The following TRIM14 variants were observed in gnomAD, a reference collection of about 807,000 sequenced individuals.
The protein encoded by TRIM14 is tripartite motif containing 14.
TRIM14 carries 28 observed loss-of-function variants against 44.5 expected under a neutral mutation model. That is an observed-to-expected ratio of 0.63 (90% CI 0.47 to 0.86). The LOEUF (loss-of-function observed/expected upper bound fraction) is 0.86, where lower values mean the gene tolerates loss of function less well. Among genes scored for constraint, TRIM14 ranks in the 40% least tolerant of loss-of-function variants. TRIM14 has a pLI of 0.00. For missense variants in TRIM14, 607 were observed against 611.1 expected (o/e 0.99, Z 0.07); for synonymous variants, 299 against 269.2 (o/e 1.11, Z -1.08).
chr9:98,079,335 A>G (rs1829743445), intron 6 of TRIM14, among the ~76,000 whole-genome samples: 1 of 152,108 alleles, frequency 6.6e-6, no homozygotes, highest in Non-Finnish European at 1.5e-5. Flanking sequence ...CATTAATGGA[A>G]TTCTATCTAT....
the TRIM14 span, among the ~76,000 whole-genome samples, chr9:98,059,199 A>G: frequency 2.0e-5 from 3 of 151,296 alleles, no homozygotes; most frequent in Admixed American, 6.6e-5. Context: ...AATTTTTTGT[A>G]TTTTTAGTAG....
chr9:98,091,158 T>C (rs1254732283), intron 5 of TRIM14, among the ~76,000 whole-genome samples: 1 of 152,198 alleles, frequency 6.6e-6, no homozygotes, highest in Non-Finnish European at 1.5e-5. Context: ...TTAATTCAAT[T>C]CAACAAATGT....
At chr9:98,046,999 T>G in the TRIM14 span, among the ~76,000 whole-genome samples, 2 of 152,260 alleles carry the variant, frequency 1.3e-5, no homozygotes, top group African/African-American at 4.8e-5. Flanking sequence ...ACTTGAACTT[T>G]TGATTCAGTA....
chr9:98,111,195 G>A (rs1038534687), intron 1 of TRIM14, among the ~76,000 whole-genome samples: 3 of 152,108 alleles, frequency 2.0e-5, no homozygotes, highest in Non-Finnish European at 4.4e-5. Flanking sequence ...GTGAATGATG[G>A]ATGGATGAAT....
Position 98,087,844 on chromosome 9 carries a change from T to C in TRIM14, c.955A>G (p.Thr319Ala), listed in dbSNP as rs75264230. The stretch of plus-strand genomic sequence containing the variant: ...TCAACCTCCCAGTAGTGGCGGCCGG[T>C]GGCGAAGCAGTCACGAGCCAGCACT... ...WQVLARDCFATGRHYWEVDVQ... is the reference protein window; with the variant it reads ...WQVLARDCFAAGRHYWEVDVQ... Residue 319 changes from threonine to alanine, a missense_variant, in exon 6 of 6, where the codon ACC (threonine) becomes GCC (alanine). Thr to Ala is a moderately conservative substitution (Grantham distance 58). Around this residue, in one of 3 missense-constraint regions of TRIM14, gnomAD observed 356 missense variants for 323.0 expected, o/e 1.10. Coordinates refer to ENST00000341469, the MANE Select transcript of TRIM14 (RefSeq NM_014788.4). The C allele has an allele frequency of 1.0e-4, 158 of 1,545,690 alleles. 1 individual carries two copies. The East Asian group carries it at 3.8e-3, about 37-fold the overall frequency.
intron 6 of TRIM14, among the ~76,000 whole-genome samples, chr9:98,070,486 T>C (rs537148758): frequency 1.3e-5 from 2 of 152,242 alleles, no homozygotes; most frequent in South Asian, 4.1e-4. Context: ...AATGGCGTGA[T>C]CTTGGCTCAC....
downstream of TRIM14, among the ~76,000 whole-genome samples, chr9:98,067,832 C>T (rs1829193540): frequency 7.5e-6 from 1 of 133,638 alleles, no homozygotes; most frequent in African/African-American, 3.4e-5. Context: ...AGCAATCCTC[C>T]CACCTCAGCC....
chr9:98,078,529 G>C (rs1318995816), intron 6 of TRIM14, among the ~76,000 whole-genome samples: 2 of 152,060 alleles, frequency 1.3e-5, no homozygotes, highest in East Asian at 3.9e-4. Flanking sequence ...ATTCTAAAGA[G>C]GGTGACTGTA....
chr9:98,088,005 T>G lies in TRIM14; in HGVS notation c.794A>C (p.Tyr265Ser), dbSNP rs1168931022. The G allele has an allele frequency of 6.5e-7, 1 of 1,530,044 alleles. No individual in the cohort carries two copies. Among genetic ancestry groups the G allele is most frequent in the South Asian group, 1.2e-5 (1 of 82,686 alleles). The allele number at this position is 1,530,044 out of a possible 1,614,324, so 94.8% of individuals were successfully genotyped here. A position where few individuals can be genotyped will look rare whatever the true frequency, so the allele number is the denominator to read the frequency against. The change falls in exon 6 of 6, where the codon TAC (tyrosine) becomes TCC (serine). Residue 265 changes from tyrosine to serine, a missense_variant and splice_region_variant. Physicochemically the swap from Tyr to Ser is moderately radical, Grantham distance 144. Coordinates refer to ENST00000341469, the MANE Select transcript of TRIM14 (RefSeq NM_014788.4). ...PSPERSLLLK[Y>S]ARTPTLDPDT... ...AGGATCCAGCGTGGGCGTGCGCGCG[T>G]CTGCAGGGGGCGAGACAAGGGACGC...
downstream of TRIM14, chr9:98,082,277 C>T (rs752093745): frequency 2.0e-5 from 3 of 152,244 alleles, no homozygotes; most frequent in South Asian, 2.1e-4. Flanking sequence ...AACAAAGTGG[C>T]GGTAAGGTGT....
At chr9:98,038,843 G>A in the TRIM14 span, among the ~76,000 whole-genome samples, 2 of 152,168 alleles carry the variant, frequency 1.3e-5, no homozygotes, top group South Asian at 4.2e-4. Flanking sequence ...GAGGTCAGGA[G>A]TCTGAGACCA....
intron 2 of TRIM14, 61 bp downstream of exon 2, chr9:98,109,828 C>T (rs1302563816): frequency 1.5e-6 from 2 of 1,374,348 alleles, no homozygotes; most frequent in African/African-American, 2.9e-5. Context: ...ATTGGGGGTC[C>T]CTTTTGTCTG....
chr9:98,095,408 G>A lies in TRIM14; in HGVS notation c.538-379C>T, dbSNP rs1024973736. Among the ~76,000 whole-genome samples, 31 of 152,214 alleles carry A rather than the reference G, an allele frequency of 2.0e-4. No individual in the cohort carries two copies. The highest frequency in any genetic ancestry group is 1.0e-4 in the Non-Finnish European group (7 of 68,030). ...TTCAGCCTCACACACACTGCGCCACGGGTCTGCCTTGGGTACAAAAAGGGT... is the reference window on the plus strand; with the variant it reads ...TTCAGCCTCACACACACTGCGCCACAGGTCTGCCTTGGGTACAAAAAGGGT... On this transcript the variant is annotated intron_variant, in intron 3 of 5. Transcript: ENST00000341469. The surrounding 1 kb of genome is among the most constrained non-coding windows in gnomAD (Gnocchi z 4.1).
chr9:98,068,446 C>CT (rs372735377), downstream of TRIM14, among the ~76,000 whole-genome samples: 298 of 148,896 alleles, frequency 2.0e-3, 2 homozygotes, highest in Non-Finnish European at 1.4e-3. Context: ...CCATTTTTAG[C>CT]TTTTTTTTTT....
chr9:98,043,047 G>A, the TRIM14 span, among the ~76,000 whole-genome samples: 2 of 152,016 alleles, frequency 1.3e-5, no homozygotes, highest in South Asian at 2.1e-4. Context: ...ATACATAGAC[G>A]TATTAGGCAT....
At chr9:98,091,801 A>AAATT in intron 5 of TRIM14, 108 bp downstream of exon 5, 1 of 630,248 alleles carries the variant, frequency 1.6e-6, no homozygotes, top group Non-Finnish European at 2.4e-6. Flanking sequence ...ATAAATAAAT[A>AAATT]AATTCTAATG....
intron 4 of TRIM14, among the ~76,000 whole-genome samples, chr9:98,093,040 C>T (rs985791434): frequency 3.3e-5 from 5 of 152,188 alleles, no homozygotes; most frequent in African/African-American, 9.7e-5. Context: ...ACTGCCGAGG[C>T]GATACCACCA....
intron 6 of TRIM14, chr9:98,076,802 C>T (rs141471464): frequency 0.014 from 10,128 of 729,746 alleles, 88 homozygotes; most frequent in Admixed American, 0.019. Flanking sequence ...AGTTGCTGAG[C>T]GTCCCTCTAC....
At chr9:98,109,342 A>C (rs2118610955) in intron 2 of TRIM14, among the ~76,000 whole-genome samples, 1 of 152,338 alleles carries the variant, frequency 6.6e-6, no homozygotes, top group Admixed American at 6.5e-5. Context: ...CCAGCCCCTG[A>C]GGCCCTAAAA....
Sources: allele counts gnomAD v4.1 joint callset (sites outside exome capture counted in the v4.1 genomes callset), GRCh38; gene constraint gnomAD v4.1.1; regional missense constraint gnomAD v4.1.1; non-coding constraint Gnocchi (gnomAD v3.1); transcripts MANE v1.5; gene names NCBI Gene and HGNC (gene_info 2026-07-23, HGNC 2026-07-21).